The following PDZD2 variants were observed in gnomAD, a reference collection of about 807,000 sequenced individuals.
PDZD2 encodes the protein PDZ domain-containing protein 2.
Under a neutral mutation model 220.7 loss-of-function variants are expected in PDZD2, and 90 were observed. The observed-to-expected ratio is 0.41, with a 90% confidence interval of 0.34 to 0.49. The LOEUF (loss-of-function observed/expected upper bound fraction) is 0.49. Among genes scored for constraint, PDZD2 ranks in the 20% least tolerant of loss-of-function variants. The probability of loss-of-function intolerance (pLI) is 0.28; values close to 1 mark genes in which losing one functional copy is unlikely to be tolerated. For missense variants in PDZD2, 3,174 were observed against 3,608.5 expected, an observed-to-expected ratio of 0.88 and a Z score of 3.08; for synonymous variants, 1,375 against 1,450.5, an observed-to-expected ratio of 0.95 and a Z score of 1.18.
At position 32,079,637 on chromosome 5, in the gene PDZD2, T is replaced by G. The variant is rs564568905; in HGVS notation, c.3682+2031T>G. On this transcript the variant is annotated intron_variant, in intron 19 of 24. Coordinates refer to ENST00000438447, the MANE Select transcript of PDZD2 (RefSeq NM_178140.4). ...GCCTGGCCAACATGGTGAAACCCAG[T>G]CTCTACTAAAAATACAAAACAAAAT... Among the ~76,000 whole-genome samples the G allele has an allele frequency of 4.0e-5, 6 of 151,640 alleles. No individual in the cohort carries two copies. In the South Asian group the frequency reaches 1.3e-3, roughly 32 times the overall value.
At chr5:31,984,182 C>T (rs781304361) in intron 3 of PDZD2, among the ~76,000 whole-genome samples, 1 of 152,124 alleles carries the variant, frequency 6.6e-6, no homozygotes, top group African/African-American at 2.4e-5. Flanking sequence ...CATGGGATCA[C>T]GTTATTACAT....
Position 31,983,671 on chromosome 5 carries a change from G to T in PDZD2, c.978+15G>T. On this transcript the variant is annotated intron_variant, in intron 3 of 24. Coordinates refer to ENST00000438447, the MANE Select transcript of PDZD2 (RefSeq NM_178140.4). ...GCCTGGCACGGGTAAGGTTTGGTTT[G>T]ATTATGGAACCAGAATTTTATTTAT... 1.3e-6 allele frequency: 2 copies of T among 1,598,712 alleles called. No homozygotes were observed. The highest frequency in any genetic ancestry group is 2.2e-5 in the South Asian group (2 of 89,244).
chr5:31,773,320 T>C, intron 1 of PDZD2, among the ~76,000 whole-genome samples: 1 of 151,972 alleles, frequency 6.6e-6, no homozygotes, highest in Non-Finnish European at 1.5e-5. Context: ...AGCAAGAAAT[T>C]TGGGGTCTTA....
chr5:31,732,982 G>C (rs927788492), intron 1 of PDZD2, among the ~76,000 whole-genome samples: 1 of 152,206 alleles, frequency 6.6e-6, no homozygotes, highest in Admixed American at 6.5e-5. Flanking sequence ...GCCTGCCTCG[G>C]CCTCCCAAAG....
chr5:31,888,469 G>A (rs778623862), intron 2 of PDZD2, among the ~76,000 whole-genome samples: 2 of 152,192 alleles, frequency 1.3e-5, no homozygotes, highest in African/African-American at 2.4e-5. Flanking sequence ...TGGGATTACA[G>A]GTGTGAGCCA....
intron 1 of PDZD2, among the ~76,000 whole-genome samples, chr5:31,703,756 C>T (rs781224682): frequency 2.0e-5 from 3 of 152,214 alleles, no homozygotes; most frequent in African/African-American, 7.2e-5. Context: ...CCCAATGCAG[C>T]GCCTGTCCCC....
chr5:31,993,588 A>C (rs1298022601), intron 3 of PDZD2, among the ~76,000 whole-genome samples: 2 of 152,120 alleles, frequency 1.3e-5, no homozygotes, highest in African/African-American at 4.8e-5. Flanking sequence ...CAGGTTGCCT[A>C]TTTCTAGGGG....
intron 2 of PDZD2, among the ~76,000 whole-genome samples, chr5:31,882,490 A>G (rs977996319): frequency 5.3e-5 from 8 of 152,188 alleles, no homozygotes; most frequent in Non-Finnish European, 1.0e-4. Context: ...TTTCAGCAGT[A>G]TTGCTCTCAC....
At chr5:31,810,175 C>T (rs547661427) in intron 2 of PDZD2, among the ~76,000 whole-genome samples, 3 of 152,208 alleles carry the variant, frequency 2.0e-5, no homozygotes, top group South Asian at 4.2e-4. Context: ...CTTTTCTGTC[C>T]GGGTACTAAA....
At chr5:31,794,280 A>G (rs545229009) in intron 1 of PDZD2, among the ~76,000 whole-genome samples, 5 of 152,184 alleles carry the variant, frequency 3.3e-5, no homozygotes, top group Non-Finnish European at 7.3e-5. Context: ...ACAGGCTTCA[A>G]GAAGCTTTCT....
intron 19 of PDZD2, among the ~76,000 whole-genome samples, chr5:32,082,106 C>T (rs1742023428): frequency 6.6e-6 from 1 of 151,322 alleles, no homozygotes; most frequent in South Asian, 2.1e-4. Flanking sequence ...ACTGCAACCT[C>T]TGCCTCCAGA....
intron 4 of PDZD2, among the ~76,000 whole-genome samples, chr5:31,998,205 C>A (rs1466393041): frequency 6.6e-6 from 1 of 152,176 alleles, no homozygotes; most frequent in African/African-American, 2.4e-5. Flanking sequence ...CCATAGGAAA[C>A]AGCTCCTGAG....
chr5:31,854,835 T>C, intron 2 of PDZD2: 1 of 276,212 alleles, frequency 3.6e-6, no homozygotes, highest in Non-Finnish European at 5.5e-6. Context: ...TTTTGACAAG[T>C]GAGCAGGGGA....
rs1745211054 is a variant in PDZD2 at position 32,109,923 on chromosome 5, A to G, written c.*1788A>G. On this transcript the variant is annotated 3_prime_UTR_variant, in exon 25 of 25. Coordinates refer to ENST00000438447, the MANE Select transcript of PDZD2 (RefSeq NM_178140.4). ...CAGATTTCTCATCAACTGGCAATAC[A>G]AAGGAAAATATGGTACAGGAGTTAG... 1 of 152,642 alleles carries G rather than the reference A, an allele frequency of 6.6e-6. No individual in the cohort carries two copies. Among genetic ancestry groups the G allele is most frequent in the African/African-American group, 2.4e-5 (1 of 41,446 alleles). The allele number at this position is 152,642 out of a possible 1,614,324, so 9.5% of individuals were successfully genotyped here.
chr5:32,106,974 T>TA (rs1744825803), intron 24 of PDZD2, among the ~76,000 whole-genome samples: 2 of 152,360 alleles, frequency 1.3e-5, no homozygotes, highest in African/African-American at 4.8e-5. Context: ...GCTGTATTTT[T>TA]ATCACATAAT....
intron 5 of PDZD2, among the ~76,000 whole-genome samples, chr5:32,002,765 C>CCACATACCA (rs1554022485): frequency 6.5e-5 from 7 of 107,140 alleles, no homozygotes; most frequent in African/African-American, 2.4e-4. Context: ...ACCCCACACA[C>CCACATACCA]CACACACACC....
chr5:31,849,965 C>CGT (rs1757879614), intron 2 of PDZD2, among the ~76,000 whole-genome samples: 2 of 31,188 alleles, frequency 6.4e-5, no homozygotes, highest in African/African-American at 4.3e-4. Context: ...TATATATACA[C>CGT]ATATATATAT....
At chr5:31,788,244 GC>G (rs934393197) in intron 1 of PDZD2, among the ~76,000 whole-genome samples, 2 of 152,166 alleles carry the variant, frequency 1.3e-5, no homozygotes, top group African/African-American at 4.8e-5. Flanking sequence ...GATAGTGGGT[GC>G]CTGTAATCCC....
chr5:31,685,858 A>G (rs1210232141), intron 1 of PDZD2, among the ~76,000 whole-genome samples: 2 of 152,112 alleles, frequency 1.3e-5, no homozygotes, highest in African/African-American at 2.4e-5. Flanking sequence ...ATCGTCATTT[A>G]TCTGTCAGTG....
Sources: allele counts gnomAD v4.1 joint callset (sites outside exome capture counted in the v4.1 genomes callset), GRCh38; gene constraint gnomAD v4.1.1; transcripts MANE v1.5; gene names NCBI Gene and HGNC (gene_info 2026-07-23, HGNC 2026-07-21).